MTUS2: variants seen among roughly 807,000 people sequenced by gnomAD.
The protein encoded by MTUS2 is microtubule-associated tumor suppressor candidate 2.
MTUS2 carries 40 observed loss-of-function variants against 114.1 expected under a neutral mutation model. The observed-to-expected ratio is 0.35, with a 90% CI of 0.27 to 0.46. The LOEUF (loss-of-function observed/expected upper bound fraction) is 0.46, where lower values mean the gene tolerates loss of function less well. MTUS2 is among the 20% of genes least tolerant of loss of function. MTUS2 has a pLI of 1.00. For missense variants in MTUS2, 1,679 were observed against 1,705.4 expected, an observed-to-expected ratio of 0.98 and a Z score of 0.27; for synonymous variants, 688 against 672.0, an observed-to-expected ratio of 1.02 and a Z score of -0.37.
rs570026949 is a variant in MTUS2, at chr13:29,177,003, A to C, written c.2644+76033A>C. On this transcript the variant is annotated intron_variant, in intron 5 of 15. Transcript: ENST00000612955. ...GAGATTTTGAGGTTTCTTCCATGCC[A>C]GTATACCTGGATGGGGAGAGATGGG... is the stretch of plus-strand genomic sequence containing the variant. Among the ~76,000 whole-genome samples, 4 of 151,210 alleles carry C rather than the reference A, an allele frequency of 2.6e-5. No individual in the cohort carries two copies. The South Asian group carries it at 8.3e-4, about 31-fold the overall frequency.
At chr13:28,905,135 C>G (rs533060762) in intron 2 of MTUS2, among the ~76,000 whole-genome samples, 6 of 151,752 alleles carry the variant, frequency 4.0e-5, no homozygotes, top group Non-Finnish European at 7.4e-5. Context: ...AGTTGCCTAT[C>G]AGCTTAAGGA....
chr13:28,918,067 G>T (rs973172309), intron 2 of MTUS2, among the ~76,000 whole-genome samples: 4 of 151,524 alleles, frequency 2.6e-5, no homozygotes, highest in Non-Finnish European at 5.9e-5. Flanking sequence ...ATTTTCGAAC[G>T]CTGTAAGACT....
chr13:29,155,368 AC>A (rs1190768526), intron 5 of MTUS2, among the ~76,000 whole-genome samples: 3 of 152,186 alleles, frequency 2.0e-5, no homozygotes, highest in African/African-American at 7.2e-5. Flanking sequence ...AATTTGCTGT[AC>A]CCTTAGCAAA....
chr13:29,095,301 AT>A (rs1243839429), intron 4 of MTUS2, among the ~76,000 whole-genome samples: 1 of 151,982 alleles, frequency 6.6e-6, no homozygotes, highest in Admixed American at 6.5e-5. Flanking sequence ...AATTCTGTTC[AT>A]TTTTGCTTGA....
At chr13:29,299,513 C>T (rs1899098653) in intron 6 of MTUS2, among the ~76,000 whole-genome samples, 1 of 152,194 alleles carries the variant, frequency 6.6e-6, no homozygotes, top group East Asian at 1.9e-4. Flanking sequence ...TGTACTTACA[C>T]ACCTAATTAT....
intron 8 of MTUS2, among the ~76,000 whole-genome samples, chr13:29,391,454 T>G (rs552744470): frequency 7.2e-5 from 11 of 152,310 alleles, no homozygotes; most frequent in African/African-American, 1.9e-4. Flanking sequence ...TTGCAGTGCC[T>G]GACGGGAATT....
chr13:29,201,936 ATTCT>A (rs1894976180), intron 5 of MTUS2, among the ~76,000 whole-genome samples: 2 of 152,176 alleles, frequency 1.3e-5, no homozygotes, highest in African/African-American at 2.4e-5. Context: ...TGCCCTTAAC[ATTCT>A]TTCTTTCATT....
chr13:29,442,260 T>C (rs1337563713), intron 9 of MTUS2, among the ~76,000 whole-genome samples: 1 of 152,118 alleles, frequency 6.6e-6, no homozygotes, highest in Non-Finnish European at 1.5e-5. Flanking sequence ...TTTCACAGTA[T>C]CAAGGCCAAA....
chr13:29,273,392 AC>A (rs1192275091), intron 5 of MTUS2, among the ~76,000 whole-genome samples: 1 of 152,216 alleles, frequency 6.6e-6, no homozygotes. Flanking sequence ...CACTGTAGTC[AC>A]AATGCAGGGA....
intron 7 of MTUS2, among the ~76,000 whole-genome samples, chr13:29,332,380 G>C (rs1407588620): frequency 6.6e-6 from 1 of 152,056 alleles, no homozygotes; most frequent in African/African-American, 2.4e-5. Flanking sequence ...ATGGTAGTTT[G>C]TATTTCTGTG....
intron 5 of MTUS2, among the ~76,000 whole-genome samples, chr13:29,120,507 GT>G (rs1447048327): frequency 2.6e-5 from 4 of 152,006 alleles, no homozygotes; most frequent in Non-Finnish European, 4.4e-5. Context: ...CATGTAAATA[GT>G]TGGGATTACT....
chr13:29,101,015 C>A (rs1890396133), intron 5 of MTUS2, 45 bp downstream of exon 5: 2 of 1,484,346 alleles, frequency 1.3e-6, no homozygotes, highest in Non-Finnish European at 9.0e-7. Flanking sequence ...TGAATTAAAA[C>A]CGGCGCGCCT....
At chr13:29,103,797 G>A (rs536407647) in intron 5 of MTUS2, among the ~76,000 whole-genome samples, 1 of 152,216 alleles carries the variant, frequency 6.6e-6, no homozygotes, top group African/African-American at 2.4e-5. Flanking sequence ...TCGTTATGTG[G>A]TGCATATGGT....
At chr13:29,112,893 C>T (rs991181841) in intron 5 of MTUS2, among the ~76,000 whole-genome samples, 8 of 152,088 alleles carry the variant, frequency 5.3e-5, no homozygotes, top group Non-Finnish European at 1.0e-4. Context: ...CAGAGAGTAA[C>T]CATGATGGAA....
intron 4 of MTUS2, among the ~76,000 whole-genome samples, chr13:29,096,350 C>CT (rs1890179635): frequency 2.6e-5 from 4 of 152,224 alleles, no homozygotes; most frequent in Admixed American, 2.6e-4. Context: ...TAATTACTGA[C>CT]TGATTGCTCT....
chr13:29,502,629 A>G (rs867835097), intron 15 of MTUS2, among the ~76,000 whole-genome samples: 1 of 152,236 alleles, frequency 6.6e-6, no homozygotes, highest in African/African-American at 2.4e-5. Context: ...GTCATTGTCA[A>G]TTGCCAGCTG....
chr13:29,398,543 C>T (rs1458585504), intron 8 of MTUS2, among the ~76,000 whole-genome samples: 1 of 150,868 alleles, frequency 6.6e-6, no homozygotes, highest in African/African-American at 2.4e-5. Flanking sequence ...TCTGTGTCCA[C>T]TGCCCAGCCC....
At chr13:29,382,280 G>A (rs965782160) in intron 8 of MTUS2, among the ~76,000 whole-genome samples, 12 of 152,174 alleles carry the variant, frequency 7.9e-5, no homozygotes, top group African/African-American at 2.7e-4. Flanking sequence ...TCCTCTGAGT[G>A]GAGGGTGATC....
intron 5 of MTUS2, among the ~76,000 whole-genome samples, chr13:29,173,347 G>A (rs922797670): frequency 6.6e-6 from 1 of 152,054 alleles, no homozygotes; most frequent in Non-Finnish European, 1.5e-5. Context: ...CACTTGTTTC[G>A]ATTTTGAAGT....
Sources: allele counts gnomAD v4.1 joint callset (sites outside exome capture counted in the v4.1 genomes callset), GRCh38; gene constraint gnomAD v4.1.1; transcripts MANE v1.5; gene names NCBI Gene and HGNC (gene_info 2026-07-23, HGNC 2026-07-21).